The following PLPP4 variants were observed in gnomAD, a reference collection of about 807,000 sequenced individuals.
The protein encoded by PLPP4 is phospholipid phosphatase 4.
In PLPP4, 20 loss-of-function variants were observed where a neutral mutation model predicts 32.2. The observed-to-expected ratio is 0.62, with a 90% confidence interval of 0.44 to 0.90. PLPP4 has a LOEUF of 0.90. Ranked by LOEUF, PLPP4 falls within the 40% of genes least tolerant of loss-of-function variation. The pLI is 0.00. For synonymous variants in PLPP4, 127 were observed against 133.0 expected (o/e 0.95, Z 0.31); for missense variants, 257 against 353.1 (o/e 0.73, Z 2.18).
intron 5 of PLPP4, among the ~76,000 whole-genome samples, chr10:120,533,450 TCTC>T (rs1318643874): frequency 6.6e-6 from 1 of 152,272 alleles, no homozygotes; most frequent in Admixed American, 6.5e-5. Context: ...GCAAATATCT[TCTC>T]CTATTCTGTG....
intron 5 of PLPP4, among the ~76,000 whole-genome samples, chr10:120,555,838 A>C (rs113731326): frequency 6.6e-6 from 1 of 152,336 alleles, no homozygotes; most frequent in African/African-American, 2.4e-5. Flanking sequence ...GAGGATCACA[A>C]GGTGAAAAAG....
At chr10:120,543,606 T>C (rs1193139016) in intron 5 of PLPP4, among the ~76,000 whole-genome samples, 4 of 151,764 alleles carry the variant, frequency 2.6e-5, no homozygotes, top group Non-Finnish European at 5.9e-5. Context: ...TTTTTGGGTG[T>C]TGTGAAATAT....
chr10:120,481,975 T>C (rs571326347), intron 1 of PLPP4, among the ~76,000 whole-genome samples: 17 of 152,210 alleles, frequency 1.1e-4, no homozygotes, highest in Non-Finnish European at 2.4e-4. Flanking sequence ...CTACCATCCA[T>C]GTAAGACATG....
At chr10:120,581,376 C>T in intron 6 of PLPP4, 1 of 862,800 alleles carries the variant, frequency 1.2e-6, no homozygotes, top group Non-Finnish European at 1.4e-6. Flanking sequence ...GCAGAAGCCT[C>T]TCAGCCTGGC....
chr10:120,472,752 A>G (rs2133797326), intron 1 of PLPP4, among the ~76,000 whole-genome samples: 2 of 152,048 alleles, frequency 1.3e-5, no homozygotes, highest in Middle Eastern at 3.4e-3. Context: ...AATGTCCTAC[A>G]GATCTTGGAT....
intron 6 of PLPP4, among the ~76,000 whole-genome samples, chr10:120,587,924 A>T (rs1589943271): frequency 6.6e-6 from 1 of 152,124 alleles, no homozygotes; most frequent in South Asian, 2.1e-4. Context: ...AGATGGACAT[A>T]CCCTTCAGCC....
intron 5 of PLPP4, among the ~76,000 whole-genome samples, chr10:120,556,702 A>G (rs1030844902): frequency 1.4e-4 from 22 of 152,208 alleles, no homozygotes; most frequent in Admixed American, 1.4e-3. Flanking sequence ...AAAACCCTAT[A>G]AGATGGATAT....
chr10:120,573,783 C>T (rs573228950), intron 5 of PLPP4, among the ~76,000 whole-genome samples: 9 of 152,100 alleles, frequency 5.9e-5, no homozygotes, highest in Non-Finnish European at 1.2e-4. Context: ...GTGCACAGAT[C>T]GCTGGTGGAT....
In PLPP4 at chr10:120,575,246, C is replaced by G. The variant is rs777215564; in HGVS notation, c.561C>G (p.Tyr187Ter). 2 of 1,614,140 alleles carry G rather than the reference C, an allele frequency of 1.2e-6. No individual in the cohort carries two copies. The highest frequency in any genetic ancestry group is 2.2e-5 in the East Asian group (1 of 44,870). The part of the protein sequence containing the change: ...WRLCAAILPL[Y>*]CAMMIALSRM... ...TCTGTGCTGCCATCCTGCCCTTGTACTGCGCCATGATGATTGCCCTGTCCC... is the reference window on the plus strand; with the variant it reads ...TCTGTGCTGCCATCCTGCCCTTGTAGTGCGCCATGATGATTGCCCTGTCCC... Residue 187 changes from tyrosine (Y) to a stop codon, truncating the protein, a stop_gained, in exon 6 of 7, where the codon TAC becomes TAG. Coordinates refer to ENST00000398250, the MANE Select transcript of PLPP4 (RefSeq NM_001030059.3). LOFTEE classifies it high-confidence loss of function.
At chr10:120,528,663 A>C in intron 5 of PLPP4, among the ~76,000 whole-genome samples, 2 of 152,156 alleles carry the variant, frequency 1.3e-5, no homozygotes, top group East Asian at 3.9e-4. Flanking sequence ...TGCCAAATAA[A>C]GGAAGACTCC....
chr10:120,463,385 T>C (rs1484901275), intron 1 of PLPP4, among the ~76,000 whole-genome samples: 2 of 152,194 alleles, frequency 1.3e-5, no homozygotes, highest in Non-Finnish European at 2.9e-5. Flanking sequence ...GACCTCGGGC[T>C]TTGGAGCCAG....
rs1271408353 is a variant in PLPP4, at chr10:120,499,280, T to G, written c.57-4538T>G. On this transcript the variant is annotated intron_variant, in intron 1 of 6. Coordinates refer to ENST00000398250, the MANE Select transcript of PLPP4 (RefSeq NM_001030059.3). ...CTTCAGGTTGCTGTGCCTTTTCATT[T>G]TGTTTTCTATATTTTTTTCTCCCCC... is the stretch of plus-strand genomic sequence containing the variant. 3.3e-5 allele frequency among the ~76,000 whole-genome samples: 5 copies of G among 152,308 alleles called. No individual in the cohort carries two copies. The East Asian group carries it at 5.8e-4, about 18-fold the overall frequency.
chr10:120,577,563 A>G (rs148276233), intron 6 of PLPP4, among the ~76,000 whole-genome samples: 4 of 152,344 alleles, frequency 2.6e-5, no homozygotes, highest in African/African-American at 9.6e-5. Context: ...GAAAGGAACT[A>G]TGAGCAGTCA....
chr10:120,538,042 C>CTGTGTG (rs1309162272), intron 5 of PLPP4, among the ~76,000 whole-genome samples: 3 of 39,466 alleles, frequency 7.6e-5, no homozygotes, highest in African/African-American at 1.8e-4. Flanking sequence ...CTCTCTCTCT[C>CTGTGTG]TCTCTCTCTC....
chr10:120,522,619 G>T (rs987785638), intron 5 of PLPP4, among the ~76,000 whole-genome samples: 9 of 152,204 alleles, frequency 5.9e-5, no homozygotes, highest in Non-Finnish European at 1.3e-4. Context: ...GGAAACGGTG[G>T]TGAGTTGAGT....
chr10:120,581,500 A>C (rs1589929316), intron 6 of PLPP4, among the ~76,000 whole-genome samples: 1 of 152,094 alleles, frequency 6.6e-6, no homozygotes, highest in Non-Finnish European at 1.5e-5. Context: ...ACTCAGCATC[A>C]CAGCCTGTGT....
intron 1 of PLPP4, among the ~76,000 whole-genome samples, chr10:120,473,518 A>G (rs918278181): frequency 6.6e-6 from 1 of 152,066 alleles, no homozygotes; most frequent in Non-Finnish European, 1.5e-5. Flanking sequence ...TTTTCTGCAC[A>G]TTGCAATTTC....
chr10:120,529,241 A>C (rs1211665347), intron 5 of PLPP4, among the ~76,000 whole-genome samples: 1 of 152,018 alleles, frequency 6.6e-6, no homozygotes, highest in Non-Finnish European at 1.5e-5. Context: ...GCATCTCGAG[A>C]ACAGAGGTCA....
At chr10:120,582,310 T>C (rs1277870110) in intron 6 of PLPP4, among the ~76,000 whole-genome samples, 1 of 152,204 alleles carries the variant, frequency 6.6e-6, no homozygotes, top group Non-Finnish European at 1.5e-5. Context: ...GCCCCAGATG[T>C]GCCTTTGCTG....
Sources: gnomAD v4.1 joint callset for allele counts (sites outside exome capture counted in the v4.1 genomes callset) on GRCh38, gnomAD v4.1.1 for gene constraint, MANE v1.5 for transcripts, NCBI Gene and HGNC (gene_info 2026-07-23, HGNC 2026-07-21) for gene names.